ADGRL3: variants seen among roughly 807,000 people sequenced by gnomAD.
ADGRL3 encodes the protein adhesion G protein-coupled receptor L3, also known as calcium-independent alpha-latrotoxin receptor 3.
A neutral mutation model predicts 153.5 loss-of-function variants in ADGRL3; 62 were observed. The ratio of observed to expected loss-of-function variants is 0.40; its 90% confidence interval spans 0.33 to 0.50. ADGRL3 has a LOEUF of 0.50. ADGRL3 is among the 20% of genes least tolerant of loss of function. The pLI, the probability that ADGRL3 is intolerant of heterozygous loss-of-function variation, is 0.47. For synonymous variants in ADGRL3, 710 were observed against 672.5 expected (o/e 1.06, Z -0.86); for missense variants, 1,641 against 1,859.4 (o/e 0.88, Z 2.16).
At chr4:61,580,721 A>G (rs2098921206) in intron 4 of ADGRL3, among the ~76,000 whole-genome samples, 1 of 152,006 alleles carries the variant, frequency 6.6e-6, no homozygotes, top group Admixed American at 6.6e-5. Context: ...TGTGCATCCG[A>G]AGTTCATCCT....
chr4:61,470,371 A>C (rs1009501308), intron 2 of ADGRL3, among the ~76,000 whole-genome samples: 3 of 151,772 alleles, frequency 2.0e-5, no homozygotes, highest in Non-Finnish European at 4.4e-5. Context: ...AGGGTCAACT[A>C]TTTCTCTCAG....
At chr4:61,383,353 G>A (rs748465958) in intron 2 of ADGRL3, among the ~76,000 whole-genome samples, 164 bp downstream of exon 2, 46 of 151,400 alleles carry the variant, frequency 3.0e-4, no homozygotes, top group Non-Finnish European at 5.5e-4. Flanking sequence ...AAAATAAATT[G>A]CCATTTCTTG....
chr4:61,722,178 T>C (rs1417137242), intron 6 of ADGRL3, among the ~76,000 whole-genome samples: 1 of 152,160 alleles, frequency 6.6e-6, no homozygotes, highest in African/African-American at 2.4e-5. Flanking sequence ...CTTAACAATT[T>C]TATGGATTGT....
In ADGRL3 at chr4:61,756,001, C is replaced by A. The variant is rs576141398; in HGVS notation, c.1399+22447C>A. ...TATATCTCTGTTTTGGTACCAGTACCATGCTGTTTTGGTTACTGTAGCCTT... is the reference window on the plus strand; with the variant it reads ...TATATCTCTGTTTTGGTACCAGTACAATGCTGTTTTGGTTACTGTAGCCTT... On this transcript the variant is annotated intron_variant, in intron 8 of 26. Transcript: ENST00000683033. Among the ~76,000 whole-genome samples the A allele has an allele frequency of 3.3e-3, 495 of 152,208 alleles. 2 individuals are homozygous for A. Among genetic ancestry groups the A allele is most frequent in the African/African-American group, 0.012 (478 of 41,522 alleles).
intron 6 of ADGRL3, among the ~76,000 whole-genome samples, chr4:61,719,244 G>A (rs2096187981): frequency 2.0e-5 from 3 of 151,960 alleles, no homozygotes; most frequent in South Asian, 4.2e-4. Flanking sequence ...CATCATTCTC[G>A]GAGGCATGCA....
intron 1 of ADGRL3, among the ~76,000 whole-genome samples, chr4:61,229,529 T>TA (rs1749600885): frequency 6.6e-6 from 1 of 151,764 alleles, no homozygotes; most frequent in African/African-American, 2.4e-5. Context: ...GTACTGCTTT[T>TA]TTTTTTAAAC....
At chr4:61,846,724 T>C (rs2098120487) in intron 9 of ADGRL3, among the ~76,000 whole-genome samples, 2 of 151,850 alleles carry the variant, frequency 1.3e-5, no homozygotes, top group Non-Finnish European at 2.9e-5. Flanking sequence ...ACAGGAAACA[T>C]GGTGCTGGCA....
At chr4:61,844,033 A>C (rs1581103946) in intron 9 of ADGRL3, among the ~76,000 whole-genome samples, 1 of 151,688 alleles carries the variant, frequency 6.6e-6, no homozygotes, top group Non-Finnish European at 1.5e-5. Flanking sequence ...AAAAAAAAAA[A>C]AAATCAACAG....
intron 21 of ADGRL3, among the ~76,000 whole-genome samples, chr4:62,007,308 C>G (rs1280567030): frequency 7.3e-6 from 1 of 137,680 alleles, no homozygotes; most frequent in African/African-American, 2.7e-5. Context: ...GCTGTGGGAA[C>G]AGGACATTCT....
intron 6 of ADGRL3, among the ~76,000 whole-genome samples, chr4:61,696,905 G>C (rs908997864): frequency 2.0e-5 from 3 of 151,976 alleles, no homozygotes; most frequent in Non-Finnish European, 4.4e-5. Context: ...TCGAACTCCT[G>C]ACCTCAAGTG....
intron 2 of ADGRL3, among the ~76,000 whole-genome samples, chr4:61,467,437 A>C (rs138451152): frequency 2.0e-3 from 311 of 152,092 alleles, no homozygotes; most frequent in Middle Eastern, 6.8e-3. Context: ...TGAATAAAAG[A>C]ACAAGTTAAT....
chr4:61,642,318 T>C (rs951790714), intron 5 of ADGRL3, among the ~76,000 whole-genome samples: 2 of 152,226 alleles, frequency 1.3e-5, no homozygotes, highest in Non-Finnish European at 2.9e-5. Context: ...AATTCTGGCT[T>C]TGGTTGCCAT....
rs573976422 is a variant in ADGRL3 at position 61,369,918 on chromosome 4, G to A, written c.-239-13206G>A. ...GCCACAATTTCAGATCCTATTATTG[G>A]TCTATTCAGAGATTCAACTTCTTCC... On this transcript the variant is annotated intron_variant, in intron 1 of 26. Transcript: ENST00000683033. Among the ~76,000 whole-genome samples, 16 of 152,164 alleles carry A rather than the reference G, an allele frequency of 1.1e-4. No homozygotes were observed. In the South Asian group the frequency reaches 3.3e-3, roughly 32 times the overall value.
chr4:61,701,833 A>G (rs1233422166), intron 6 of ADGRL3, among the ~76,000 whole-genome samples: 2 of 152,170 alleles, frequency 1.3e-5, no homozygotes, highest in African/African-American at 2.4e-5. Context: ...TTTTTACAAT[A>G]GAATCATATT....
intron 1 of ADGRL3, among the ~76,000 whole-genome samples, chr4:61,207,553 G>A (rs560021171): frequency 1.0e-3 from 152 of 152,192 alleles, no homozygotes; most frequent in Non-Finnish European, 1.6e-3. Context: ...TAATCCTTTG[G>A]GTATATACCC....
At chr4:61,893,335 G>A (rs530550025) in intron 10 of ADGRL3, among the ~76,000 whole-genome samples, 2 of 152,114 alleles carry the variant, frequency 1.3e-5, no homozygotes, top group Admixed American at 1.3e-4. Context: ...TCTGGGTCAA[G>A]GTAAAGTTAG....
At chr4:62,054,648 T>C (rs1198071431) in intron 25 of ADGRL3, among the ~76,000 whole-genome samples, 1 of 151,488 alleles carries the variant, frequency 6.6e-6, no homozygotes, top group African/African-American at 2.4e-5. Context: ...AAAAGATAGA[T>C]AAGATCATTT....
chr4:61,524,588 A>T (rs1301312708), intron 4 of ADGRL3, among the ~76,000 whole-genome samples: 2 of 152,014 alleles, frequency 1.3e-5, no homozygotes, highest in Non-Finnish European at 2.9e-5. Flanking sequence ...TCTCAGCTTT[A>T]CTGTTTACTA....
At chr4:61,453,061 AGAGT>A (rs1298744438) in intron 2 of ADGRL3, among the ~76,000 whole-genome samples, 1 of 152,168 alleles carries the variant, frequency 6.6e-6, no homozygotes, top group African/African-American at 2.4e-5. Context: ...GAAGTATAAT[AGAGT>A]AATTGTAAAG....
Sources: allele counts gnomAD v4.1 joint callset (sites outside exome capture counted in the v4.1 genomes callset), GRCh38; gene constraint gnomAD v4.1.1; transcripts MANE v1.5; gene names NCBI Gene and HGNC (gene_info 2026-07-23, HGNC 2026-07-21).